CREBRF: variants seen among roughly 807,000 people sequenced by gnomAD.
CREBRF encodes the protein UPF0474 protein C5orf41.
A neutral mutation model predicts 66.1 loss-of-function variants in CREBRF; 5 were observed. The observed-to-expected ratio is 0.08, with a 90% CI of 0.04 to 0.16. The LOEUF is 0.16. Ranked by LOEUF, CREBRF falls within the 10% of genes least tolerant of loss-of-function variation. The pLI is 1.00. For synonymous variants in CREBRF, 229 were observed against 264.4 expected (o/e 0.87, Z 1.30); for missense variants, 531 against 744.9 (o/e 0.71, Z 3.34).
intron 6 of CREBRF, among the ~76,000 whole-genome samples, chr5:173,111,246 C>T (rs1377076170): frequency 6.6e-6 from 1 of 152,048 alleles, no homozygotes; most frequent in Non-Finnish European, 1.5e-5. Flanking sequence ...ATGGAATATA[C>T]TGTATGTATG....
At chr5:173,094,776 T>C (rs923176390) in intron 4 of CREBRF, among the ~76,000 whole-genome samples, 1 of 152,230 alleles carries the variant, frequency 6.6e-6, no homozygotes, top group Non-Finnish European at 1.5e-5. Context: ...TGGGAGCTTT[T>C]TGGTTTGATG....
At chr5:173,067,149 A>G (rs918533886) in intron 1 of CREBRF, among the ~76,000 whole-genome samples, 1 of 152,142 alleles carries the variant, frequency 6.6e-6, no homozygotes. Context: ...TTGTCATTGT[A>G]TGGACATACC....
chr5:173,081,129 C>T lies in CREBRF; in HGVS notation c.9+345C>T, dbSNP rs1757928264. Among the ~76,000 whole-genome samples, 3 of 152,234 alleles carry T rather than the reference C, an allele frequency of 2.0e-5. No homozygotes were observed. The East Asian group carries it at 5.8e-4, about 29-fold the overall frequency. On this transcript the variant is annotated intron_variant, in intron 2 of 8. Coordinates refer to ENST00000296953, the MANE Select transcript of CREBRF (RefSeq NM_153607.3). Reference sequence around the variant, plus strand: ...ACTATTCCTATTTCCCAATTCTTACCTTTCATTTATGCTAGCTGAATTTAG... The same window carrying T: ...ACTATTCCTATTTCCCAATTCTTACTTTTCATTTATGCTAGCTGAATTTAG...
At chr5:173,077,165 G>A (rs1757791351) in intron 1 of CREBRF, among the ~76,000 whole-genome samples, 1 of 151,818 alleles carries the variant, frequency 6.6e-6, no homozygotes, top group African/African-American at 2.4e-5. Flanking sequence ...GGCTAGTCTC[G>A]AACTCCTGAA....
chr5:173,067,817 A>G (rs418094), intron 1 of CREBRF, among the ~76,000 whole-genome samples: 73,905 of 151,776 alleles, frequency 0.49, 19,128 homozygotes, highest in Non-Finnish European at 0.58. Context: ...TGGCTAACGC[A>G]GTGAAACCCC....
At chr5:173,105,615 G>A (rs1285350324) in intron 4 of CREBRF, among the ~76,000 whole-genome samples, 1 of 151,914 alleles carries the variant, frequency 6.6e-6, no homozygotes, top group Non-Finnish European at 1.5e-5. Flanking sequence ...TTACAGGTGG[G>A]CGCCACCACA....
chr5:173,071,132 A>C (rs554668681), intron 1 of CREBRF, among the ~76,000 whole-genome samples: 87 of 152,232 alleles, frequency 5.7e-4, no homozygotes, highest in African/African-American at 2.1e-3. Flanking sequence ...GGATTAGGGG[A>C]AATGGTAAAA....
chr5:173,060,782 C>T (rs761941842), intron 1 of CREBRF, among the ~76,000 whole-genome samples: 2 of 151,484 alleles, frequency 1.3e-5, no homozygotes, highest in Non-Finnish European at 2.9e-5. Context: ...TTCAGCCTTC[C>T]AGTCTCTGCC....
At chr5:173,105,948 G>A (rs1300386492) in intron 4 of CREBRF, among the ~76,000 whole-genome samples, 3 of 152,006 alleles carry the variant, frequency 2.0e-5, no homozygotes, top group Non-Finnish European at 4.4e-5. Context: ...CATTTCTGTT[G>A]GCAACATATG....
chr5:173,071,371 C>T (rs189241514), intron 1 of CREBRF, among the ~76,000 whole-genome samples: 36 of 152,046 alleles, frequency 2.4e-4, no homozygotes, highest in African/African-American at 8.2e-4. Flanking sequence ...GCCACCACGC[C>T]CAGCTAATTT....
chr5:173,106,394 C>T (rs1156322434), intron 4 of CREBRF, among the ~76,000 whole-genome samples: 1 of 150,858 alleles, frequency 6.6e-6, no homozygotes, highest in African/African-American at 2.4e-5. Flanking sequence ...CGTGCCACTG[C>T]ACTCCAGCCT....
chr5:173,118,387 T>C (rs1008767434), intron 7 of CREBRF, among the ~76,000 whole-genome samples: 3 of 152,210 alleles, frequency 2.0e-5, no homozygotes, highest in African/African-American at 4.8e-5. Context: ...TAATATTTCA[T>C]GATGTTTTGT....
At chr5:173,083,430 T>C (rs1472344946) in intron 2 of CREBRF, among the ~76,000 whole-genome samples, 2 of 152,148 alleles carry the variant, frequency 1.3e-5, no homozygotes, top group South Asian at 2.1e-4. Flanking sequence ...GTCTTTTTTT[T>C]CCCCTTTACT....
At chr5:173,089,179 AAAAAAAAAAAAC>A (rs1323790380) in intron 3 of CREBRF, among the ~76,000 whole-genome samples, 3 of 149,664 alleles carry the variant, frequency 2.0e-5, no homozygotes, top group Non-Finnish European at 4.4e-5. Flanking sequence ...TCCATCTCAA[AAAAAAAAAAAAC>A]AAAAAAAAAA....
intron 4 of CREBRF, among the ~76,000 whole-genome samples, chr5:173,107,917 C>T (rs541017251): frequency 1.8e-4 from 28 of 151,424 alleles, no homozygotes; most frequent in East Asian, 5.8e-4. Flanking sequence ...CTGCAACATC[C>T]GCCTCCTGAG....
At chr5:173,085,721 G>C (rs982353700) in intron 2 of CREBRF, 1 of 757,948 alleles carries the variant, frequency 1.3e-6, no homozygotes. Context: ...CCGGCCATCA[G>C]ATACATTCTT....
intron 4 of CREBRF, among the ~76,000 whole-genome samples, chr5:173,096,574 A>G (rs1002467637): frequency 6.9e-6 from 1 of 144,478 alleles, no homozygotes; most frequent in African/African-American, 2.6e-5. Flanking sequence ...ATTTCTCTAG[A>G]TAGGACTTCC....
rs1342147456 is a variant in CREBRF at position 173,125,866 on chromosome 5, AAAAAC to A, written c.1804+2679_1804+2683del. 1.1e-4 allele frequency among the ~76,000 whole-genome samples: 16 copies of A among 152,270 alleles called. No individual in the cohort carries two copies. The South Asian group carries it at 1.2e-3, about 12-fold the overall frequency. ...GCGACAGAGCGAGACTCCTTTTCAA[AAAAAC>A]AAAACAAAACAAAAAAACATGGCAC... On this transcript the variant is annotated intron_variant, in intron 8 of 8. Transcript: ENST00000296953.
chr5:173,064,722 G>A (rs1438321273), intron 1 of CREBRF, among the ~76,000 whole-genome samples: 1 of 151,990 alleles, frequency 6.6e-6, no homozygotes, highest in Non-Finnish European at 1.5e-5. Flanking sequence ...GTGCCACCAT[G>A]CCCAGCTAAT....
Sources: gnomAD v4.1 joint callset for allele counts (sites outside exome capture counted in the v4.1 genomes callset) on GRCh38, gnomAD v4.1.1 for gene constraint, MANE v1.5 for transcripts, NCBI Gene and HGNC (gene_info 2026-07-23, HGNC 2026-07-21) for gene names.